Variants in GALNT13 observed in about 807,000 individuals in gnomAD.
GALNT13 encodes the protein UDP-GalNAc:polypeptide N-acetylgalactosaminyltransferase 13.
In GALNT13, 28 loss-of-function variants were observed where a neutral mutation model predicts 64.2. The observed-to-expected ratio is 0.44, with a 90% CI of 0.32 to 0.60. The LOEUF (loss-of-function observed/expected upper bound fraction) is 0.60. Ranked by LOEUF, GALNT13 falls within the 20% of genes least tolerant of loss-of-function variation. The pLI is 0.05. For missense variants in GALNT13, 577 were observed against 669.8 expected, an observed-to-expected ratio of 0.86 and a Z score of 1.53; for synonymous variants, 214 against 224.6, an observed-to-expected ratio of 0.95 and a Z score of 0.42.
chr2:153,078,655 A>G, the GALNT13 span, among the ~76,000 whole-genome samples: 2 of 151,908 alleles, frequency 1.3e-5, no homozygotes, highest in Non-Finnish European at 2.9e-5. Context: ...TACACCTCCA[A>G]CAAAGTATTC....
intron 2 of GALNT13, among the ~76,000 whole-genome samples, chr2:153,903,765 T>C (rs1177050842): frequency 6.6e-6 from 1 of 152,024 alleles, no homozygotes; most frequent in Non-Finnish European, 1.5e-5. Context: ...TACATAATTA[T>C]TACTCTTTTA....
the GALNT13 span, chr2:153,478,362 G>A: frequency 6.2e-7 from 1 of 1,614,034 alleles, no homozygotes; most frequent in African/African-American, 1.3e-5. Context: ...CGAAGACCAC[G>A]GTGAGTGAGA....
chr2:154,365,811 G>A (rs1697332750), intron 9 of GALNT13, among the ~76,000 whole-genome samples: 1 of 152,122 alleles, frequency 6.6e-6, no homozygotes, highest in Non-Finnish European at 1.5e-5. Context: ...AACTATCTCT[G>A]TAAAAGGAAA....
the GALNT13 span, among the ~76,000 whole-genome samples, chr2:153,684,564 C>G: frequency 6.6e-6 from 1 of 151,636 alleles, no homozygotes; most frequent in African/African-American, 2.4e-5. Context: ...TTTATTTGGC[C>G]ACAATGATTC....
chr2:153,294,746 C>T, the GALNT13 span, among the ~76,000 whole-genome samples: 2 of 152,284 alleles, frequency 1.3e-5, no homozygotes, highest in Admixed American at 6.5e-5. Flanking sequence ...GCTAGAGTAT[C>T]ACTTGACACT....
the GALNT13 span, among the ~76,000 whole-genome samples, chr2:153,406,316 AATCTT>A: frequency 6.6e-6 from 1 of 152,186 alleles, no homozygotes; most frequent in Non-Finnish European, 1.5e-5. Flanking sequence ...TCAAATTTAA[AATCTT>A]ATTTTATTTA....
At chr2:153,634,678 G>C in the GALNT13 span, among the ~76,000 whole-genome samples, 61 of 150,720 alleles carry the variant, frequency 4.0e-4, no homozygotes, top group Admixed American at 1.3e-3. Context: ...AGCCTCCCGA[G>C]TAGCTGGGAC....
intron 4 of GALNT13, among the ~76,000 whole-genome samples, chr2:154,237,107 G>T (rs1689232965): frequency 6.6e-6 from 1 of 151,760 alleles, no homozygotes; most frequent in African/African-American, 2.4e-5. Flanking sequence ...ATATAGTACT[G>T]AAAGAACTAT....
chr2:153,719,889 C>T, the GALNT13 span, among the ~76,000 whole-genome samples: 5 of 152,234 alleles, frequency 3.3e-5, no homozygotes, highest in Middle Eastern at 3.4e-3. Context: ...GGGGGAGGGG[C>T]TCCCGCCATT....
intron 9 of GALNT13, among the ~76,000 whole-genome samples, chr2:154,310,543 G>A (rs1318352354): frequency 6.6e-6 from 1 of 151,974 alleles, no homozygotes; most frequent in East Asian, 1.9e-4. Context: ...ATTCCATTTT[G>A]TAGAGAAATA....
At chr2:153,856,169 G>A in the GALNT13 span, among the ~76,000 whole-genome samples, 1 of 152,110 alleles carries the variant, frequency 6.6e-6, no homozygotes, top group African/African-American at 2.4e-5. Flanking sequence ...ACAGCTCTTT[G>A]AATATATTAA....
At chr2:154,256,245 C>T (rs187328672) in intron 7 of GALNT13, among the ~76,000 whole-genome samples, 2 of 147,234 alleles carry the variant, frequency 1.4e-5, no homozygotes, top group Non-Finnish European at 3.0e-5. Context: ...CACCCAAGCA[C>T]CAAAATTTAA....
At chr2:154,329,433 T>C (rs1695051536) in intron 9 of GALNT13, among the ~76,000 whole-genome samples, 2 of 152,204 alleles carry the variant, frequency 1.3e-5, no homozygotes. Context: ...TGTTGTTGAT[T>C]AAAGTTATTT....
chr2:154,204,511 A>T (rs956182731), intron 4 of GALNT13, among the ~76,000 whole-genome samples: 7 of 152,170 alleles, frequency 4.6e-5, no homozygotes, highest in Non-Finnish European at 1.5e-5. Context: ...ATATTTTTTA[A>T]GACTCACAAT....
chr2:153,319,615 A>G, the GALNT13 span, among the ~76,000 whole-genome samples: 1 of 152,166 alleles, frequency 6.6e-6, no homozygotes, highest in Non-Finnish European at 1.5e-5. Context: ...AAATATAGTG[A>G]TTAACAAGAT....
At chr2:154,001,291 T>C (rs1695886743) in intron 3 of GALNT13, among the ~76,000 whole-genome samples, 1 of 151,984 alleles carries the variant, frequency 6.6e-6, no homozygotes. Context: ...TATTCAAAGT[T>C]ATTGTTGATA....
At chr2:153,671,622 A>AGTG in the GALNT13 span, among the ~76,000 whole-genome samples, 3 of 152,202 alleles carry the variant, frequency 2.0e-5, no homozygotes, top group African/African-American at 7.2e-5. Flanking sequence ...TACCATTGAC[A>AGTG]CTATGAAGAA....
At chr2:153,842,495 T>C in the GALNT13 span, among the ~76,000 whole-genome samples, 4 of 152,190 alleles carry the variant, frequency 2.6e-5, no homozygotes, top group South Asian at 4.1e-4. Flanking sequence ...CACAGTCTCT[T>C]ACAAAAGACT....
chr2:153,170,840 T>C, the GALNT13 span, among the ~76,000 whole-genome samples: 1 of 152,258 alleles, frequency 6.6e-6, no homozygotes, highest in African/African-American at 2.4e-5. Context: ...TCCATGTATA[T>C]GATTTTCTGA....
Sources: allele counts gnomAD v4.1 joint callset (sites outside exome capture counted in the v4.1 genomes callset), GRCh38; gene constraint gnomAD v4.1.1; transcripts MANE v1.5; gene names NCBI Gene and HGNC (gene_info 2026-07-23, HGNC 2026-07-21).